The following KCNIP4 variants were observed in gnomAD, a reference collection of about 807,000 sequenced individuals.
KCNIP4 encodes the protein potassium voltage-gated channel interacting protein 4, also known as Kv channel-interacting protein 4.
KCNIP4 carries 12 observed loss-of-function variants against 34.0 expected under a neutral mutation model. The observed-to-expected ratio is 0.35, with a 90% CI of 0.23 to 0.57. The LOEUF is 0.57. Ranked by LOEUF, KCNIP4 falls within the 20% of genes least tolerant of loss-of-function variation. The probability of loss-of-function intolerance (pLI) is 0.83; values close to 1 mark genes in which losing one functional copy is unlikely to be tolerated. For synonymous variants in KCNIP4, 124 were observed against 102.2 expected (o/e 1.21, Z -1.29); for missense variants, 238 against 311.7 (o/e 0.76, Z 1.78).
intron 1 of KCNIP4, among the ~76,000 whole-genome samples, chr4:21,542,170 T>C (rs1170629632): frequency 6.6e-6 from 1 of 152,140 alleles, no homozygotes; most frequent in East Asian, 1.9e-4. Context: ...AGGGTAGGAA[T>C]GGCTTCCACA....
chr4:21,367,059 G>A (rs1310584889), intron 1 of KCNIP4, among the ~76,000 whole-genome samples: 1 of 152,048 alleles, frequency 6.6e-6, no homozygotes, highest in Non-Finnish European at 1.5e-5. Flanking sequence ...AGGACACAGC[G>A]TTTCCCTTCT....
At chr4:21,719,849 G>T (rs1714657074) in intron 1 of KCNIP4, among the ~76,000 whole-genome samples, 2 of 151,826 alleles carry the variant, frequency 1.3e-5, no homozygotes, top group Non-Finnish European at 2.9e-5. Flanking sequence ...TGTAATCCCA[G>T]CTACTTGGGA....
intron 1 of KCNIP4, among the ~76,000 whole-genome samples, chr4:21,261,741 T>C (rs1042463470): frequency 6.6e-6 from 1 of 152,174 alleles, no homozygotes; most frequent in South Asian, 2.1e-4. Context: ...CAATACAAGC[T>C]AGTGCCATCA....
chr4:20,879,575 T>C (rs964078874), intron 2 of KCNIP4, among the ~76,000 whole-genome samples: 1 of 152,216 alleles, frequency 6.6e-6, no homozygotes, highest in Non-Finnish European at 1.5e-5. Context: ...TAAGAATGTC[T>C]ATGGTTCTTC....
At chr4:20,960,793 A>G (rs959969201) in intron 1 of KCNIP4, among the ~76,000 whole-genome samples, 1 of 152,200 alleles carries the variant, frequency 6.6e-6, no homozygotes, top group Non-Finnish European at 1.5e-5. Context: ...AAATCAGTCT[A>G]TTAGAAGGTA....
intron 1 of KCNIP4, among the ~76,000 whole-genome samples, chr4:21,440,302 C>A (rs1727347402): frequency 6.6e-6 from 1 of 152,142 alleles, no homozygotes; most frequent in Non-Finnish European, 1.5e-5. Context: ...ATGAGAATAA[C>A]CTTCTCTTAG....
chr4:21,807,307 G>A (rs562650825), intron 1 of KCNIP4, among the ~76,000 whole-genome samples: 15 of 152,240 alleles, frequency 9.9e-5, no homozygotes, highest in African/African-American at 3.6e-4. Flanking sequence ...ACTCGTCCAT[G>A]GCCTGAGGGT....
intron 1 of KCNIP4, among the ~76,000 whole-genome samples, chr4:20,981,701 A>G (rs1174819090): frequency 2.6e-5 from 4 of 152,236 alleles, no homozygotes; most frequent in African/African-American, 4.8e-5. Flanking sequence ...GACTGACTCA[A>G]CAAGTATATG....
intron 1 of KCNIP4, among the ~76,000 whole-genome samples, chr4:21,615,787 A>AC (rs1012137394): frequency 3.9e-5 from 6 of 151,944 alleles, no homozygotes; most frequent in African/African-American, 1.5e-4. Context: ...GTTCTCTCAC[A>AC]CCCCACATCC....
chr4:21,871,536 G>T (rs369120119), intron 1 of KCNIP4, among the ~76,000 whole-genome samples: 6 of 151,682 alleles, frequency 4.0e-5, no homozygotes, highest in African/African-American at 1.5e-4. Context: ...GCAAACTATC[G>T]CAAGGACAGA....
chr4:21,288,034 C>T (rs1004504709), intron 1 of KCNIP4, among the ~76,000 whole-genome samples: 2 of 152,122 alleles, frequency 1.3e-5, no homozygotes, highest in Non-Finnish European at 2.9e-5. Context: ...ACTCTTTCCA[C>T]CTTAAAAATA....
intron 1 of KCNIP4, among the ~76,000 whole-genome samples, chr4:21,773,097 CA>C (rs1372826495): frequency 6.6e-6 from 1 of 152,114 alleles, no homozygotes; most frequent in Non-Finnish European, 1.5e-5. Context: ...AGCTGTGTCC[CA>C]GAGATTTTGG....
intron 1 of KCNIP4, among the ~76,000 whole-genome samples, chr4:21,178,843 T>A (rs568534974): frequency 6.9e-6 from 1 of 145,922 alleles, no homozygotes; most frequent in Non-Finnish European, 1.5e-5. Flanking sequence ...TTGTTTTGAG[T>A]GTCTCATTCA....
At chr4:20,891,732 A>T (rs1725937434) in intron 1 of KCNIP4, among the ~76,000 whole-genome samples, 1 of 152,100 alleles carries the variant, frequency 6.6e-6, no homozygotes, top group Non-Finnish European at 1.5e-5. Flanking sequence ...TAGGGAGTAC[A>T]TTTTTTTACT....
intron 5 of KCNIP4, among the ~76,000 whole-genome samples, chr4:20,749,187 A>G (rs917984557): frequency 8.1e-6 from 1 of 123,564 alleles, no homozygotes; most frequent in Non-Finnish European, 1.8e-5. Context: ...TTCTCTACAG[A>G]TCACTTAAAG....
intron 3 of KCNIP4, among the ~76,000 whole-genome samples, chr4:20,794,091 C>T (rs915708942): frequency 5.3e-5 from 8 of 152,292 alleles, no homozygotes; most frequent in Admixed American, 2.6e-4. Context: ...ACGTAACTTG[C>T]TCCTCCTTGC....
At chr4:21,764,755 C>T (rs564098652) in intron 1 of KCNIP4, among the ~76,000 whole-genome samples, 1 of 152,196 alleles carries the variant, frequency 6.6e-6, no homozygotes, top group African/African-American at 2.4e-5. Context: ...GGACCTACTT[C>T]CCTGTCCTTT....
intron 1 of KCNIP4, among the ~76,000 whole-genome samples, chr4:21,219,502 A>T (rs2108996034): frequency 6.6e-6 from 1 of 152,324 alleles, no homozygotes; most frequent in East Asian, 1.9e-4. Context: ...TGTCCTATAA[A>T]GCCCAAGAGC....
chr4:21,041,230 TCACACA>T (rs57664737), intron 1 of KCNIP4, among the ~76,000 whole-genome samples: 1,503 of 144,740 alleles, frequency 0.01, 27 homozygotes, highest in African/African-American at 0.035. Flanking sequence ...GATATATATT[TCACACA>T]CACACACACA....
Sources: allele counts gnomAD v4.1 joint callset (sites outside exome capture counted in the v4.1 genomes callset), GRCh38; gene constraint gnomAD v4.1.1; transcripts MANE v1.5; gene names NCBI Gene and HGNC (gene_info 2026-07-23, HGNC 2026-07-21).